The following CSMD3 variants were observed in gnomAD, a reference collection of about 807,000 sequenced individuals.
CSMD3 encodes CUB and sushi domain-containing protein 3.
In CSMD3, 177 loss-of-function variants were observed where a neutral mutation model predicts 435.2. The observed-to-expected ratio is 0.41, with a 90% confidence interval of 0.36 to 0.46. The LOEUF is 0.46. Among genes scored for constraint, CSMD3 ranks in the 20% least tolerant of loss-of-function variants. The pLI, the probability that CSMD3 is intolerant of heterozygous loss-of-function variation, is 0.34. For missense variants in CSMD3, 4,265 were observed against 4,504.6 expected (o/e 0.95, Z 1.52); for synonymous variants, 1,656 against 1,520.5 (o/e 1.09, Z -2.07).
At chr8:112,341,276 C>G (rs764133544) in intron 42 of CSMD3, among the ~76,000 whole-genome samples, 1 of 151,672 alleles carries the variant, frequency 6.6e-6, no homozygotes, top group Non-Finnish European at 1.5e-5. Flanking sequence ...TTTCTAAGGT[C>G]TCAGAGAGAC....
intron 10 of CSMD3, among the ~76,000 whole-genome samples, chr8:112,882,897 C>A (rs1239812124): frequency 1.3e-5 from 2 of 151,856 alleles, no homozygotes; most frequent in Non-Finnish European, 2.9e-5. Context: ...AGTTGACAGG[C>A]AAATTAGCTG....
chr8:112,565,700 C>A (rs1586695624), intron 24 of CSMD3, among the ~76,000 whole-genome samples: 1 of 151,986 alleles, frequency 6.6e-6, no homozygotes, highest in South Asian at 2.1e-4. Flanking sequence ...AATGGCTGGG[C>A]AACATGCATA....
intron 12 of CSMD3, among the ~76,000 whole-genome samples, chr8:112,820,744 A>G (rs1322537444): frequency 2.6e-5 from 4 of 151,914 alleles, no homozygotes; most frequent in Non-Finnish European, 4.4e-5. Context: ...GCACCTATCA[A>G]GCCGTCATCT....
At chr8:112,873,703 G>C (rs1254481260) in intron 10 of CSMD3, among the ~76,000 whole-genome samples, 1 of 152,010 alleles carries the variant, frequency 6.6e-6, no homozygotes, top group African/African-American at 2.4e-5. Context: ...TTTGTGTAGA[G>C]GATTTTATAG....
Position 112,289,259 on chromosome 8 carries a change from A to T in CSMD3, c.9148+106T>A, listed in dbSNP as rs1213481767. 8.7e-5 allele frequency: 84 copies of T among 969,192 alleles called. No homozygotes were observed. In the East Asian group the frequency reaches 2.0e-3, roughly 23 times the overall value. 60.0% of individuals were successfully genotyped at this position (969,192 alleles called of 1,614,324 possible). On this transcript the variant is annotated intron_variant, in intron 57 of 70. Transcript: ENST00000297405. Reference sequence around the variant, plus strand: ...GCTTTTCTTATGAGATTTTTCAGAGAGAAATATATTTTAAGTCTTTAGATT... The same window carrying T: ...GCTTTTCTTATGAGATTTTTCAGAGTGAAATATATTTTAAGTCTTTAGATT...
intron 22 of CSMD3, among the ~76,000 whole-genome samples, chr8:112,612,269 T>C (rs562505984): frequency 6.6e-6 from 1 of 152,308 alleles, no homozygotes; most frequent in South Asian, 2.1e-4. Context: ...TAAATTTTAT[T>C]TCAGCAGACC....
In CSMD3 at chr8:113,344,694, C is replaced by T. The variant is rs527379304; in HGVS notation, c.179-29901G>A. Among the ~76,000 whole-genome samples the T allele has an allele frequency of 3.3e-5, 5 of 152,192 alleles. No homozygotes were observed. The South Asian group carries it at 8.3e-4, about 25-fold the overall frequency. ...TACAAAAATAGGTAACATGGAAAGA[C>T]ACAGTTTCATATTCCAGCAACTGGT... On this transcript the variant is annotated intron_variant, in intron 1 of 70. Transcript: ENST00000297405.
At chr8:112,857,091 T>G (rs1411418530) in intron 11 of CSMD3, among the ~76,000 whole-genome samples, 2 of 151,302 alleles carry the variant, frequency 1.3e-5, no homozygotes, top group African/African-American at 4.8e-5. Context: ...GAAACTGTGG[T>G]GTGTGTGTGT....
At chr8:113,383,481 T>C (rs529957488) in intron 1 of CSMD3, among the ~76,000 whole-genome samples, 3 of 152,228 alleles carry the variant, frequency 2.0e-5, no homozygotes, top group South Asian at 4.1e-4. Flanking sequence ...TTGAGGAGCC[T>C]GGTTGAGTGG....
intron 5 of CSMD3, among the ~76,000 whole-genome samples, chr8:113,071,916 A>C (rs1416248269): frequency 6.6e-6 from 1 of 151,796 alleles, no homozygotes; most frequent in Admixed American, 6.6e-5. Context: ...TGGGCATTTA[A>C]AAAATATTTG....
intron 13 of CSMD3, among the ~76,000 whole-genome samples, chr8:112,744,472 C>A (rs1405091780): frequency 2.0e-5 from 3 of 151,824 alleles, no homozygotes; most frequent in African/African-American, 7.3e-5. Context: ...CAGTATTTAT[C>A]TTTCAGTAAT....
At chr8:113,031,004 T>C (rs1210078264) in intron 5 of CSMD3, among the ~76,000 whole-genome samples, 38 of 151,558 alleles carry the variant, frequency 2.5e-4, no homozygotes, top group Non-Finnish European at 5.9e-5. Context: ...ATGCCAAATG[T>C]GAGGATGCAG....
intron 13 of CSMD3, among the ~76,000 whole-genome samples, chr8:112,780,713 A>G (rs2078362013): frequency 6.6e-6 from 1 of 152,106 alleles, no homozygotes. Context: ...TTGCCCTGTC[A>G]GAGTGGAAAG....
At chr8:113,277,731 C>T (rs923451241) in intron 3 of CSMD3, among the ~76,000 whole-genome samples, 4 of 151,820 alleles carry the variant, frequency 2.6e-5, no homozygotes, top group Admixed American at 1.3e-4. Flanking sequence ...TACACTATCC[C>T]TATGGGGAAG....
chr8:112,556,613 T>C (rs745772844), intron 25 of CSMD3, 150 bp downstream of exon 25: 5 of 626,256 alleles, frequency 8.0e-6, no homozygotes, highest in Non-Finnish European at 1.4e-5. Context: ...TTTCCATTAA[T>C]TTTCTTTTGA....
At chr8:112,806,185 T>C (rs2079081433) in intron 12 of CSMD3, among the ~76,000 whole-genome samples, 1 of 152,198 alleles carries the variant, frequency 6.6e-6, no homozygotes, top group African/African-American at 2.4e-5. Flanking sequence ...CTCGGATCCT[T>C]TTATTTGGTC....
At chr8:112,588,299 T>G (rs780694321) in intron 22 of CSMD3, among the ~76,000 whole-genome samples, 15 of 151,364 alleles carry the variant, frequency 9.9e-5, no homozygotes, top group Non-Finnish European at 1.8e-4. Flanking sequence ...TGCTTAAACA[T>G]TAACAAAAAT....
intron 32 of CSMD3, among the ~76,000 whole-genome samples, chr8:112,410,648 ATGTG>A (rs1416962650): frequency 6.8e-5 from 2 of 29,446 alleles, no homozygotes; most frequent in Non-Finnish European, 1.3e-4. Context: ...GTATATATAT[ATGTG>A]TATATATATG....
chr8:113,150,676 G>A (rs563304890), intron 4 of CSMD3, among the ~76,000 whole-genome samples: 125 of 152,018 alleles, frequency 8.2e-4, no homozygotes, highest in African/African-American at 2.8e-3. Flanking sequence ...TATGGGAAAG[G>A]ACAAGATTTT....
Sources: allele counts gnomAD v4.1 joint callset (sites outside exome capture counted in the v4.1 genomes callset), GRCh38; gene constraint gnomAD v4.1.1; transcripts MANE v1.5; gene names NCBI Gene and HGNC (gene_info 2026-07-23, HGNC 2026-07-21).